The following PAMR1 variants were observed in gnomAD, a reference collection of about 807,000 sequenced individuals.
PAMR1 encodes the protein peptidase domain containing associated with muscle regeneration 1, also known as inactive serine protease PAMR1.
A neutral mutation model predicts 81.8 loss-of-function variants in PAMR1; 88 were observed. The observed-to-expected ratio is 1.08, with a 90% confidence interval of 0.91 to 1.28. PAMR1 has a LOEUF of 1.28. Ranked by LOEUF, PAMR1 falls within the 50% of genes most tolerant of loss-of-function variation. The pLI is 0.00. For missense variants in PAMR1, 935 were observed against 919.7 expected, an observed-to-expected ratio of 1.02 and a Z score of -0.21; for synonymous variants, 336 against 345.3, an observed-to-expected ratio of 0.97 and a Z score of 0.30.
At chr11:35,529,890 T>C (rs948272599), upstream of PAMR1, 2 of 152,194 alleles carry the variant, frequency 1.3e-5, no homozygotes, top group African/African-American at 4.8e-5. Flanking sequence ...ACCCATTTAA[T>C]TACAAGTCAT....
At chr11:35,450,129 CAAAAAAAAAAAAAAAA>C (rs60887441) in intron 6 of PAMR1, among the ~76,000 whole-genome samples, 10 of 43,050 alleles carry the variant, frequency 2.3e-4, no homozygotes, top group East Asian at 1.1e-3. Context: ...TGCCTCCAGG[CAAAAAAAAAAAAAAAA>C]AAAAAAAAAA....
intron 3 of PAMR1, among the ~76,000 whole-genome samples, chr11:35,476,972 G>A (rs1344571027): frequency 6.6e-6 from 1 of 152,010 alleles, no homozygotes; most frequent in Non-Finnish European, 1.5e-5. Context: ...TAAGAATTAA[G>A]CTTATATGAT....
chr11:35,488,925 A>C (rs1850564992), intron 3 of PAMR1, among the ~76,000 whole-genome samples: 1 of 152,062 alleles, frequency 6.6e-6, no homozygotes, highest in African/African-American at 2.4e-5. Flanking sequence ...GCTAGCCATC[A>C]AACACAAAAA....
rs1856173067 is a variant in PAMR1 at position 35,441,674 on chromosome 11, G to A, written c.840C>T (p.Cys280=). 1.2e-6 allele frequency: 2 copies of A among 1,610,820 alleles called. No individual in the cohort carries two copies. Among genetic ancestry groups the A allele is most frequent in the African/African-American group, 1.3e-5 (1 of 74,750 alleles). Residue 280 remains cysteine, a synonymous_variant, in exon 7 of 11, where the codon TGC becomes TGT. Coordinates refer to ENST00000619888, the MANE Select transcript of PAMR1 (RefSeq NM_001001991.3). The stretch of plus-strand genomic sequence containing the variant: ...CATTGACTGGGCCCCCAGGGTCTGA[G>A]CAGTTTCTTTCTTCAAGGACTAAAA... The part of the protein sequence containing the change: ...RCENLLEERN[C]SDPGGPVNGY...
At chr11:35,515,482 C>A (rs1262703393) in intron 1 of PAMR1, among the ~76,000 whole-genome samples, 1 of 152,224 alleles carries the variant, frequency 6.6e-6, no homozygotes, top group Non-Finnish European at 1.5e-5. Context: ...TTACCTCCCC[C>A]AGCTCTGCAA....
intron 1 of PAMR1, among the ~76,000 whole-genome samples, chr11:35,500,254 T>C (rs547507309): frequency 2.0e-5 from 3 of 152,332 alleles, no homozygotes; most frequent in Admixed American, 6.5e-5. Flanking sequence ...CTGGGACTTC[T>C]TGAAAGAAAG....
At chr11:35,456,083 C>G (rs1010039172) in intron 6 of PAMR1, among the ~76,000 whole-genome samples, 2 of 152,088 alleles carry the variant, frequency 1.3e-5, no homozygotes, top group South Asian at 2.1e-4. Context: ...TTCATTCTGA[C>G]CAGAAAAGGA....
In PAMR1 at chr11:35,492,088, G is replaced by A. The variant is rs1009447518; in HGVS notation, c.336C>T (p.Tyr112=). Residue 112 remains tyrosine, a synonymous_variant, in exon 3 of 11, where the codon TAC becomes TAT. Coordinates refer to ENST00000619888, the MANE Select transcript of PAMR1 (RefSeq NM_001001991.3). ...TLDDFYVKGF[Y]CAECRAGWYG... is the part of the protein sequence containing the mutation. The stretch of plus-strand genomic sequence containing the variant: ...ACCAGCCTGCTCGGCACTCTGCACA[G>A]TAGAACCCCTTCACATAGAAGTCAT... 1 of 1,614,080 alleles carries A rather than the reference G, an allele frequency of 6.2e-7. No individual in the cohort carries two copies. Among genetic ancestry groups the A allele is most frequent in the Non-Finnish European group, 8.5e-7 (1 of 1,179,982 alleles).
intron 1 of PAMR1, among the ~76,000 whole-genome samples, chr11:35,525,074 C>A (rs1236884578): frequency 2.7e-5 from 4 of 145,670 alleles, no homozygotes; most frequent in Admixed American, 2.7e-4. Flanking sequence ...GCAAGCCCTG[C>A]TCTTTATTCC....
chr11:35,525,627 A>T (rs554084269), upstream of PAMR1: 1 of 1,587,984 alleles, frequency 6.3e-7, no homozygotes, highest in African/African-American at 1.3e-5. Context: ...GGGGAGGGAG[A>T]GGAGGGACCC....
intron 4 of PAMR1, among the ~76,000 whole-genome samples, chr11:35,474,214 T>C (rs890889571): frequency 1.3e-5 from 2 of 152,252 alleles, no homozygotes; most frequent in Non-Finnish European, 1.5e-5. Context: ...TGCTTTTTTC[T>C]GAAAGCCCCA....
chr11:35,438,664 G>A (rs1489067271), intron 8 of PAMR1, among the ~76,000 whole-genome samples: 2 of 152,206 alleles, frequency 1.3e-5, no homozygotes, highest in Non-Finnish European at 2.9e-5. Flanking sequence ...TAATGTTCCT[G>A]CACGTGTAAC....
At chr11:35,446,348 G>A (rs11525350) in intron 6 of PAMR1, among the ~76,000 whole-genome samples, 2 of 151,940 alleles carry the variant, frequency 1.3e-5, no homozygotes, top group African/African-American at 2.4e-5. Flanking sequence ...CAGTTCTGCT[G>A]TGATCTTGGT....
chr11:35,507,594 A>T (rs951491695), intron 1 of PAMR1, among the ~76,000 whole-genome samples: 1 of 152,186 alleles, frequency 6.6e-6, no homozygotes, highest in Non-Finnish European at 1.5e-5. Flanking sequence ...CAGAGCTCAC[A>T]TATTGCCATC....
chr11:35,461,030 T>G (rs1290251312), intron 6 of PAMR1, among the ~76,000 whole-genome samples: 1 of 152,200 alleles, frequency 6.6e-6, no homozygotes. Context: ...TGGTATCTCA[T>G]TGTGGTTTTG....
At chr11:35,508,652 T>C (rs1165495085) in intron 1 of PAMR1, among the ~76,000 whole-genome samples, 3 of 151,792 alleles carry the variant, frequency 2.0e-5, no homozygotes, top group Admixed American at 6.6e-5. Context: ...ATAAGCATAG[T>C]ACCTAAGAGA....
intron 3 of PAMR1, among the ~76,000 whole-genome samples, chr11:35,480,793 C>T (rs1850376032): frequency 6.6e-6 from 1 of 152,118 alleles, no homozygotes; most frequent in African/African-American, 2.4e-5. Flanking sequence ...CCTATCTACC[C>T]ATCATCTAGG....
At chr11:35,443,266 A>AACGT (rs2135344572) in intron 6 of PAMR1, among the ~76,000 whole-genome samples, 1 of 151,980 alleles carries the variant, frequency 6.6e-6, no homozygotes, top group South Asian at 2.1e-4. Flanking sequence ...TACATAGGTA[A>AACGT]ACGTGTGCCA....
chr11:35,465,533 T>C (rs16927492), intron 6 of PAMR1, among the ~76,000 whole-genome samples: 3,144 of 152,342 alleles, frequency 0.021, 87 homozygotes, highest in Admixed American at 0.069. Context: ...ACTCAGAAAT[T>C]ATAACATAAA....
Sources: allele counts gnomAD v4.1 joint callset (sites outside exome capture counted in the v4.1 genomes callset), GRCh38; gene constraint gnomAD v4.1.1; transcripts MANE v1.5; gene names NCBI Gene and HGNC (gene_info 2026-07-23, HGNC 2026-07-21).